The following DLGAP1 variants were observed in gnomAD, a reference collection of about 807,000 sequenced individuals.
The protein encoded by DLGAP1 is disks large-associated protein 1.
DLGAP1 carries 11 observed loss-of-function variants against 90.8 expected under a neutral mutation model. The ratio of observed to expected loss-of-function variants is 0.12; its 90% confidence interval spans 0.08 to 0.20. DLGAP1 has a LOEUF of 0.20. DLGAP1 is among the 10% of genes least tolerant of loss of function. The probability of loss-of-function intolerance (pLI) is 1.00; values close to 1 mark genes in which losing one functional copy is unlikely to be tolerated. For synonymous variants in DLGAP1, 558 were observed against 540.7 expected, an observed-to-expected ratio of 1.03 and a Z score of -0.44; for missense variants, 1,050 against 1,333.8, an observed-to-expected ratio of 0.79 and a Z score of 3.31.
chr18:4,324,930 G>A (rs552472313), intron 1 of DLGAP1, among the ~76,000 whole-genome samples: 2 of 152,248 alleles, frequency 1.3e-5, no homozygotes, highest in African/African-American at 4.8e-5. Flanking sequence ...GCAAAAGCTG[G>A]AAGCTTTCTC....
chr18:4,230,922 A>C (rs2078286266), intron 1 of DLGAP1, among the ~76,000 whole-genome samples: 1 of 151,952 alleles, frequency 6.6e-6, no homozygotes, highest in African/African-American at 2.4e-5. Flanking sequence ...AAAATTAAAA[A>C]TAAATAATTT....
intron 1 of DLGAP1, among the ~76,000 whole-genome samples, chr18:4,405,627 C>A (rs1436089943): frequency 6.6e-6 from 1 of 151,956 alleles, no homozygotes; most frequent in Non-Finnish European, 1.5e-5. Context: ...CCCTATTGTT[C>A]TGAAGATTGA....
chr18:4,278,052 C>T (rs150000013), intron 1 of DLGAP1, among the ~76,000 whole-genome samples: 2 of 152,032 alleles, frequency 1.3e-5, no homozygotes, highest in African/African-American at 4.8e-5. Flanking sequence ...AAGCTACTTA[C>T]CTTTGGCTCT....
chr18:3,859,813 G>T (rs529204736), intron 4 of DLGAP1, among the ~76,000 whole-genome samples: 1 of 152,026 alleles, frequency 6.6e-6, no homozygotes, highest in African/African-American at 2.4e-5. Context: ...ATAAATTTGC[G>T]TTGTGGGCCA....
intron 4 of DLGAP1, among the ~76,000 whole-genome samples, chr18:3,817,934 T>C (rs1006918404): frequency 6.6e-6 from 1 of 152,188 alleles, no homozygotes; most frequent in African/African-American, 2.4e-5. Flanking sequence ...GCTGGAAGTC[T>C]TGGTAGAAGG....
intron 7 of DLGAP1, among the ~76,000 whole-genome samples, chr18:3,625,816 G>A (rs1041467233): frequency 3.9e-4 from 60 of 152,052 alleles, no homozygotes; most frequent in African/African-American, 1.4e-3. Context: ...CTTAATTTCT[G>A]GCATGTCACA....
chr18:3,538,375 C>CAAAA (rs112805068), intron 9 of DLGAP1, among the ~76,000 whole-genome samples: 1,119 of 102,786 alleles, frequency 0.011, 11 homozygotes, highest in African/African-American at 0.032. Context: ...TCAAATGAGC[C>CAAAA]AAAAAAAAAA....
intron 3 of DLGAP1, among the ~76,000 whole-genome samples, chr18:3,971,719 T>C (rs374983880): frequency 1.1e-4 from 16 of 152,214 alleles, no homozygotes; most frequent in African/African-American, 3.9e-4. Context: ...AAAGAATTCC[T>C]GGCTGATGGT....
rs928641575 is a variant in DLGAP1 at position 3,874,316 on chromosome 18, C to T, written c.957+4796G>A. 12 of 1,536,576 alleles carry T rather than the reference C, an allele frequency of 7.8e-6. No individual in the cohort carries two copies. In the Admixed American group the frequency reaches 1.0e-4, roughly 13 times the overall value. ...CTCGCTCCCTCTGTCTCTCTCTCTCCACTTCTACCGCGGAGAGAGCGTTTT... is the reference window on the plus strand; with the variant it reads ...CTCGCTCCCTCTGTCTCTCTCTCTCTACTTCTACCGCGGAGAGAGCGTTTT... On this transcript the variant is annotated intron_variant, in intron 4 of 12. Coordinates refer to ENST00000315677, the MANE Select transcript of DLGAP1 (RefSeq NM_004746.4).
chr18:3,761,159 G>A (rs1190964355), intron 5 of DLGAP1, among the ~76,000 whole-genome samples: 3 of 152,084 alleles, frequency 2.0e-5, no homozygotes, highest in Non-Finnish European at 4.4e-5. Context: ...TCACATTTTT[G>A]TGCAATCACT....
chr18:3,664,852 C>G (rs914471143), intron 7 of DLGAP1, among the ~76,000 whole-genome samples: 1 of 152,190 alleles, frequency 6.6e-6, no homozygotes, highest in Admixed American at 6.5e-5. Context: ...TTTGAAGCAG[C>G]TGATAAAGAC....
At chr18:4,273,715 G>A (rs565816072) in intron 1 of DLGAP1, among the ~76,000 whole-genome samples, 4 of 152,316 alleles carry the variant, frequency 2.6e-5, no homozygotes, top group African/African-American at 4.8e-5. Context: ...GATTACAGGC[G>A]TGAGCCACTG....
At chr18:3,684,187 AT>A (rs2060621199) in intron 7 of DLGAP1, among the ~76,000 whole-genome samples, 2 of 150,240 alleles carry the variant, frequency 1.3e-5, no homozygotes, top group African/African-American at 2.4e-5. Context: ...TTTAATTAAA[AT>A]TTTTTTTCCT....
rs11874654 is a variant in DLGAP1 at position 4,175,316 on chromosome 18, C to T, written c.-266-24029G>A. On this transcript the variant is annotated intron_variant, in intron 1 of 12. Coordinates refer to ENST00000315677, the MANE Select transcript of DLGAP1 (RefSeq NM_004746.4). ...AGATTCCCTGTAAATTCTGGATATTCGACCTTTGTCAGATGGGTAGATTGC... is the reference window on the plus strand; with the variant it reads ...AGATTCCCTGTAAATTCTGGATATTTGACCTTTGTCAGATGGGTAGATTGC... Among the ~76,000 whole-genome samples the T allele has an allele frequency of 6.6e-5, 10 of 151,858 alleles. No individual in the cohort carries two copies. The East Asian group carries it at 1.7e-3, about 27-fold the overall frequency.
intron 7 of DLGAP1, among the ~76,000 whole-genome samples, chr18:3,585,362 C>T (rs1599375693): frequency 6.6e-6 from 1 of 152,214 alleles, no homozygotes. Context: ...GAGTAACGCT[C>T]ATCTCAGTGA....
At chr18:4,136,779 G>T (rs1286311691) in intron 2 of DLGAP1, among the ~76,000 whole-genome samples, 2 of 152,122 alleles carry the variant, frequency 1.3e-5, no homozygotes, top group Non-Finnish European at 2.9e-5. Flanking sequence ...TTGGTTACCT[G>T]TATTTGTGGC....
intron 2 of DLGAP1, among the ~76,000 whole-genome samples, chr18:4,012,349 C>T (rs752763652): frequency 1.3e-5 from 2 of 152,174 alleles, no homozygotes; most frequent in African/African-American, 2.4e-5. Flanking sequence ...AGACTGACAC[C>T]TTTGCCCACC....
At chr18:3,719,916 C>G (rs1318008597) in intron 7 of DLGAP1, among the ~76,000 whole-genome samples, 1 of 151,972 alleles carries the variant, frequency 6.6e-6, no homozygotes, top group Non-Finnish European at 1.5e-5. Context: ...CATTATGGGA[C>G]AAATATGTAA....
chr18:3,912,528 A>C (rs553965651), intron 3 of DLGAP1, among the ~76,000 whole-genome samples: 14 of 152,378 alleles, frequency 9.2e-5, no homozygotes, highest in Admixed American at 4.6e-4. Context: ...GGGAGCTTAC[A>C]GTCTAGTGGA....
Sources: allele counts gnomAD v4.1 joint callset (sites outside exome capture counted in the v4.1 genomes callset), GRCh38; gene constraint gnomAD v4.1.1; transcripts MANE v1.5; gene names NCBI Gene and HGNC (gene_info 2026-07-23, HGNC 2026-07-21).